The following RBFOX2 variants were observed in gnomAD, a reference collection of about 807,000 sequenced individuals.
RBFOX2 encodes RNA binding protein fox-1 homolog 2.
Under a neutral mutation model 49.1 loss-of-function variants are expected in RBFOX2, and 10 were observed. The ratio of observed to expected loss-of-function variants is 0.20; its 90% confidence interval spans 0.13 to 0.35. RBFOX2 has a LOEUF of 0.35. RBFOX2 is among the 10% of genes least tolerant of loss of function. The pLI, the probability that RBFOX2 is intolerant of heterozygous loss-of-function variation, is 1.00. For synonymous variants in RBFOX2, 183 were observed against 187.4 expected (o/e 0.98, Z 0.19); for missense variants, 323 against 486.9 (o/e 0.66, Z 3.17).
At chr22:35,840,264 G>A (rs746521279) in exon 1 of RBFOX2, 11 of 1,613,826 alleles carry the variant, frequency 6.8e-6, no homozygotes, top group Middle Eastern at 1.6e-4. Context: ...GCCGTGCTGG[G>A]GCACACCTCC....
chr22:35,764,312 T>C (rs181444017), intron 6 of RBFOX2, among the ~76,000 whole-genome samples: 25 of 152,092 alleles, frequency 1.6e-4, no homozygotes, highest in East Asian at 7.7e-4. Context: ...GAGCCAGGCA[T>C]GGTGGCTCAC....
intron 2 of RBFOX2, among the ~76,000 whole-genome samples, chr22:35,803,601 C>T (rs897762268): frequency 6.6e-6 from 1 of 152,012 alleles, no homozygotes; most frequent in Non-Finnish European, 1.5e-5. Flanking sequence ...CACTTGCGCC[C>T]AGCAGGTCAA....
intron 1 of RBFOX2, among the ~76,000 whole-genome samples, chr22:36,020,359 C>T (rs1450767188): frequency 6.6e-6 from 1 of 152,192 alleles, no homozygotes; most frequent in African/African-American, 2.4e-5. Context: ...ATGACTAAAA[C>T]ACCAAAAGCA....
At chr22:35,800,255 C>T (rs1569164169) in intron 2 of RBFOX2, among the ~76,000 whole-genome samples, 1 of 152,184 alleles carries the variant, frequency 6.6e-6, no homozygotes, top group Non-Finnish European at 1.5e-5. Context: ...TACATAACCA[C>T]TTAAGACTGT....
chr22:35,811,196 T>C (rs1951799108), intron 1 of RBFOX2, among the ~76,000 whole-genome samples: 1 of 152,116 alleles, frequency 6.6e-6, no homozygotes, highest in Non-Finnish European at 1.5e-5. Context: ...AGATAAAAAG[T>C]GATGAACTGA....
In RBFOX2 at chr22:35,865,705, G is replaced by T. The variant is rs536577952; in HGVS notation, c.-33-55701C>A. ...CAAAAACATTTAGCTGCAAATAGATGAGTATGATTACACAGTGTTGCCTCT... is the reference window on the plus strand; with the variant it reads ...CAAAAACATTTAGCTGCAAATAGATTAGTATGATTACACAGTGTTGCCTCT... On this transcript the variant is annotated intron_variant, in intron 1 of 13. Transcript: ENST00000359369. Among the ~76,000 whole-genome samples the T allele has an allele frequency of 1.3e-4, 20 of 152,238 alleles. No homozygotes were observed. The East Asian group carries it at 3.5e-3, about 26-fold the overall frequency.
Position 35,762,591 on chromosome 22 carries a change from C to T in RBFOX2, c.608-1123G>A, listed in dbSNP as rs555750385. 7.3e-5 allele frequency among the ~76,000 whole-genome samples: 11 copies of T among 150,464 alleles called. No homozygotes were observed. The South Asian group carries it at 1.7e-3, about 23-fold the overall frequency. On this transcript the variant is annotated intron_variant, in intron 6 of 11. Transcript: ENST00000405409. ...GCGCAGTTTCGGCTCACCACAACCT[C>T]GGCTCCTGGGTTCAAGTGATTCTCA...
intron 3 of RBFOX2, among the ~76,000 whole-genome samples, chr22:35,781,028 AG>A (rs899948396): frequency 6.6e-6 from 1 of 152,230 alleles, no homozygotes; most frequent in Non-Finnish European, 1.5e-5. Flanking sequence ...GAAAAAACAA[AG>A]AAGGCGACAG....
exon 12 of RBFOX2, chr22:35,743,849 T>C (rs1931103618): frequency 4.8e-6 from 1 of 209,164 alleles, no homozygotes; most frequent in Non-Finnish European, 9.4e-6. Context: ...CGGCTCCTAA[T>C]GTCTCTCCTT....
rs551448009 is a variant in RBFOX2 at position 35,915,114 on chromosome 22, A to C, written c.-34+23733T>G. Among the ~76,000 whole-genome samples the C allele has an allele frequency of 1.8e-3, 269 of 152,322 alleles. 2 individuals are homozygous for C. Among genetic ancestry groups the C allele is most frequent in the African/African-American group, 6.3e-3 (262 of 41,576 alleles). On this transcript the variant is annotated intron_variant, in intron 1 of 13. Coordinates refer to the RBFOX2 transcript ENST00000359369. ...TTACTCGAACTCTGCCATTTCGGAAATATGACAGGACTACACAATCACATT... is the reference window on the plus strand; with the variant it reads ...TTACTCGAACTCTGCCATTTCGGAACTATGACAGGACTACACAATCACATT...
chr22:36,008,273 A>G lies in RBFOX2; in HGVS notation c.186+19967T>C, dbSNP rs546133772. 2.9e-4 allele frequency among the ~76,000 whole-genome samples: 44 copies of G among 152,272 alleles called. 1 individual carries two copies. Among genetic ancestry groups the G allele is most frequent in the Middle Eastern group, 3.4e-3 (1 of 294 alleles). ...ATAAGAACATTCCATTAACTCTGTA[A>G]CTAACCCCAGCATCTAGCAATGTTT... On this transcript the variant is annotated intron_variant, in intron 1 of 13. Transcript: ENST00000438146.
exon 12 of RBFOX2, chr22:35,739,955 T>G (rs1891617790): frequency 6.5e-6 from 1 of 152,672 alleles, no homozygotes; most frequent in Non-Finnish European, 1.5e-5. Flanking sequence ...ACCGTTTTCC[T>G]GAGTAAACTG....
chr22:35,976,136 T>C (rs1346045932), intron 1 of RBFOX2, among the ~76,000 whole-genome samples: 1 of 152,176 alleles, frequency 6.6e-6, no homozygotes, highest in African/African-American at 2.4e-5. Flanking sequence ...CTCCTACCTA[T>C]CAAATGAAAA....
At chr22:35,852,705 AATG>A (rs1217919095) in intron 1 of RBFOX2, among the ~76,000 whole-genome samples, 4 of 152,198 alleles carry the variant, frequency 2.6e-5, no homozygotes, top group Admixed American at 6.5e-5. Context: ...AAGACTGGAA[AATG>A]ATGATATGTC....
At chr22:35,881,933 T>C (rs981512607) in intron 1 of RBFOX2, among the ~76,000 whole-genome samples, 6 of 143,546 alleles carry the variant, frequency 4.2e-5, no homozygotes, top group African/African-American at 1.3e-4. Context: ...CACTCCAGCC[T>C]GGACAACAGA....
At chr22:35,818,711 C>G (rs1260650095) in intron 1 of RBFOX2, among the ~76,000 whole-genome samples, 13 of 152,044 alleles carry the variant, frequency 8.6e-5, no homozygotes, top group Non-Finnish European at 1.9e-4. Flanking sequence ...CACTTGAGCC[C>G]AGGAGTTTGA....
intron 1 of RBFOX2, among the ~76,000 whole-genome samples, chr22:35,960,398 C>T (rs756163393): frequency 2.0e-5 from 3 of 152,084 alleles, no homozygotes; most frequent in African/African-American, 7.2e-5. Flanking sequence ...TGAACCAACC[C>T]GATTTCAAAG....
chr22:35,924,187 C>T (rs1052722184), intron 1 of RBFOX2, among the ~76,000 whole-genome samples: 1 of 152,158 alleles, frequency 6.6e-6, no homozygotes, highest in Non-Finnish European at 1.5e-5. Context: ...CATTAGGACA[C>T]CCCCTGTCCC....
At chr22:35,889,994 C>A (rs1009497285) in intron 1 of RBFOX2, among the ~76,000 whole-genome samples, 5 of 152,070 alleles carry the variant, frequency 3.3e-5, no homozygotes, top group African/African-American at 1.2e-4. Context: ...TGACAAATGG[C>A]ACAACCAAGA....
Sources: allele counts gnomAD v4.1 joint callset (sites outside exome capture counted in the v4.1 genomes callset), GRCh38; gene constraint gnomAD v4.1.1; transcripts MANE v1.5; gene names NCBI Gene and HGNC (gene_info 2026-07-23, HGNC 2026-07-21).